TMEM91: variants seen among roughly 807,000 people sequenced by gnomAD.
The protein encoded by TMEM91 is transmembrane protein 91, also known as dispanin subfamily C member 3.
Under a neutral mutation model 13.3 loss-of-function variants are expected in TMEM91, and 6 were observed. The observed-to-expected ratio is 0.45, with a 90% CI of 0.25 to 0.89. The LOEUF (loss-of-function observed/expected upper bound fraction) is 0.89. Ranked by LOEUF, TMEM91 falls within the 40% of genes least tolerant of loss-of-function variation. The probability of loss-of-function intolerance (pLI) is 0.19; values close to 1 mark genes in which losing one functional copy is unlikely to be tolerated. For synonymous variants in TMEM91, 87 were observed against 101.7 expected (o/e 0.86, Z 0.87); for missense variants, 193 against 228.7 (o/e 0.84, Z 1.01).
At chr19:41,370,258 G>A (rs1046886219) in intron 1 of TMEM91, among the ~76,000 whole-genome samples, 1 of 152,002 alleles carries the variant, frequency 6.6e-6, no homozygotes, top group Admixed American at 6.6e-5. Flanking sequence ...TGTATTTTTA[G>A]TAGAGACGGG....
intron 2 of TMEM91, among the ~76,000 whole-genome samples, chr19:41,378,823 TGAGAGAGA>T (rs1160229560): frequency 0.022 from 978 of 44,648 alleles, 7 homozygotes; most frequent in Non-Finnish European, 0.049. Context: ...TGTGTGTGTG[TGAGAGAGA>T]GAGAGAGAGA....
chr19:41,364,206 G>C (rs2038472214), intron 1 of TMEM91: 1 of 154,626 alleles, frequency 6.5e-6, no homozygotes. Flanking sequence ...CTACTAATTG[G>C]TGCTAGCCGT....
intron 2 of TMEM91, among the ~76,000 whole-genome samples, chr19:41,381,629 G>C (rs935205040): frequency 2.0e-5 from 3 of 152,072 alleles, no homozygotes; most frequent in Non-Finnish European, 4.4e-5. Context: ...CTCCCAAAGT[G>C]CTGGGCTTAC....
chr19:41,367,437 C>T (rs1433507460), intron 1 of TMEM91, among the ~76,000 whole-genome samples: 1 of 152,120 alleles, frequency 6.6e-6, no homozygotes, highest in Non-Finnish European at 1.5e-5. Flanking sequence ...TCAAGACCAG[C>T]CTGGCCAACA....
rs754355620 is a variant in TMEM91 at position 41,378,517 on chromosome 19, G to C, written c.208G>C (p.Glu70Gln). Residue 70 changes from glutamate (E) to glutamine (Q), a missense_variant and splice_region_variant, in exon 2 of 4, where the codon GAG (glutamate) becomes CAG (glutamine). Glu to Gln is a conservative substitution (Grantham distance 29). Coordinates refer to ENST00000392002, the MANE Select transcript of TMEM91 (RefSeq NM_001098821.2). ...GGGGGAACCAAGGCCCCCTGATGTT[G>C]AGGTAGGAAACAGCAGGCCTTAGTG... Reference protein sequence around the residue: ...GLGEPRPPDVEDMSSSDSDSD... With the variant: ...GLGEPRPPDVQDMSSSDSDSD... 4.3e-5 allele frequency: 70 copies of C among 1,613,938 alleles called. No individual in the cohort carries two copies. Among genetic ancestry groups the C allele is most frequent in the Non-Finnish European group, 5.6e-5 (66 of 1,179,970 alleles).
At chr19:41,377,925 A>G (rs1180567272) in intron 1 of TMEM91, among the ~76,000 whole-genome samples, 1 of 151,388 alleles carries the variant, frequency 6.6e-6, no homozygotes, top group Non-Finnish European at 1.5e-5. Context: ...GCTGAGGCAG[A>G]ATGGTTTGAA....
chr19:41,364,617 C>T (rs1005507677), intron 1 of TMEM91, among the ~76,000 whole-genome samples: 3 of 151,950 alleles, frequency 2.0e-5, no homozygotes, highest in Admixed American at 6.6e-5. Context: ...TTTTAGAGTT[C>T]CCCTAGGTTT....
At chr19:41,382,737 T>C (rs1320764306) in intron 2 of TMEM91, 35 bp from the exon 3 acceptor site, 31 of 1,600,936 alleles carry the variant, frequency 1.9e-5, no homozygotes, top group Non-Finnish European at 2.6e-5. Flanking sequence ...GAAAGGTGGA[T>C]GGAGATGCCC....
chr19:41,377,204 C>A, intron 1 of TMEM91: 1 of 147,300 alleles, frequency 6.8e-6, no homozygotes, highest in Middle Eastern at 4.2e-3. Context: ...GGCAGGCATG[C>A]CAGAGGTCAT....
At chr19:41,381,358 ATTTT>A (rs34434786) in intron 2 of TMEM91, among the ~76,000 whole-genome samples, 4 of 112,838 alleles carry the variant, frequency 3.5e-5, no homozygotes, top group African/African-American at 3.4e-5. Context: ...TGCCTAGCTA[ATTTT>A]TTTTTTTTTT....
rs1485165389 is a variant in TMEM91, at chr19:41,383,515, A to AT, written c.361-198dup. The AT allele has an allele frequency of 1.0e-5, 15 of 1,451,530 alleles. No individual in the cohort carries two copies. The South Asian group carries it at 1.6e-4, about 15-fold the overall frequency. 89.9% of individuals were successfully genotyped at this position (1,451,530 alleles called of 1,614,324 possible). A position where few individuals can be genotyped will look rare whatever the true frequency, so the allele number is the denominator to read the frequency against. On this transcript the variant is annotated intron_variant, in intron 3 of 3. Transcript: ENST00000392002. ...TTTTATTTATTTTTTAAAATTTATTATTATTATTATTTTTTACCATTTTAA... is the reference window on the plus strand; with the variant it reads ...TTTTATTTATTTTTTAAAATTTATTATTTATTATTATTTTTTACCATTTTAA...
chr19:41,379,888 CTTTTTTTTTTTT>C (rs59525203), intron 2 of TMEM91, among the ~76,000 whole-genome samples: 1 of 75,136 alleles, frequency 1.3e-5, no homozygotes, highest in Admixed American at 1.5e-4. Context: ...TTAGGGCTTC[CTTTTTTTTTTTT>C]TTTTTTTTTT....
chr19:41,367,036 G>A (rs2038538717), intron 1 of TMEM91, among the ~76,000 whole-genome samples: 1 of 152,090 alleles, frequency 6.6e-6, no homozygotes, highest in Non-Finnish European at 1.5e-5. Context: ...AGCTATTTGG[G>A]AAGCTGAGGC....
At chr19:41,383,633 G>A (rs756259847) in intron 3 of TMEM91, 82 bp from the exon 4 acceptor site, 1 of 1,613,862 alleles carries the variant, frequency 6.2e-7, no homozygotes, top group East Asian at 2.2e-5. Context: ...GAATGAATGG[G>A]TATGTTGGGT....
intron 1 of TMEM91, among the ~76,000 whole-genome samples, chr19:41,365,639 A>G (rs920958805): frequency 6.6e-6 from 1 of 150,392 alleles, no homozygotes; most frequent in Non-Finnish European, 1.5e-5. Flanking sequence ...TCCTGACCTC[A>G]GGTGGTCCAC....
chr19:41,365,529 C>G (rs1319935180), intron 1 of TMEM91, among the ~76,000 whole-genome samples: 1 of 149,836 alleles, frequency 6.7e-6, no homozygotes, highest in African/African-American at 2.5e-5. Context: ...CTCAGCCTCC[C>G]GAGTAGCTGG....
Position 41,378,339 on chromosome 19 carries a change from A to C in TMEM91, c.30A>C (p.Gln10His), listed in dbSNP as rs80302685. 6.2e-7 allele frequency: 1 copy of C among 1,614,114 alleles called. No individual in the cohort carries two copies. ...ACAGCCCTAGTCTTCGTGAGCTTCA[A>C]CAGCCTCTGCTGGAGGGCACAGAAT... MDSPSLREL[Q>H]QPLLEGTECE... Residue 10 changes from glutamine (Q) to histidine (H), a missense_variant, in exon 2 of 4, where the codon CAA (glutamine) becomes CAC (histidine). Physicochemically the swap from Gln to His is conservative, Grantham distance 24. Coordinates refer to ENST00000392002, the MANE Select transcript of TMEM91 (RefSeq NM_001098821.2).
At chr19:41,364,186 G>C (rs936252905) in intron 1 of TMEM91, 3 of 157,560 alleles carry the variant, frequency 1.9e-5, no homozygotes, top group African/African-American at 7.2e-5. Context: ...CTTTGTACTC[G>C]CTCTGCGCGC....
In TMEM91 at chr19:41,383,718, A is replaced by C; in HGVS notation, c.364A>C (p.Asn122His). 1.9e-6 allele frequency: 3 copies of C among 1,611,782 alleles called. No individual in the cohort carries two copies. Among genetic ancestry groups the C allele is most frequent in the Non-Finnish European group, 2.5e-6 (3 of 1,178,596 alleles). The change falls in exon 4 of 4, where the codon AAC becomes CAC. Residue 122 changes from asparagine to histidine, a missense_variant. Coordinates refer to ENST00000392002, the MANE Select transcript of TMEM91 (RefSeq NM_001098821.2). ...CTGCTGCCCACTGCCTCTACAGACC[A>C]ACAAGGCTTGGGCCAAGGGGGACAT... ...IAAFCLAQKTNKAWAKGDIQG... is the reference protein window; with the variant it reads ...IAAFCLAQKTHKAWAKGDIQG...
Sources: gnomAD v4.1 joint callset for allele counts (sites outside exome capture counted in the v4.1 genomes callset) on GRCh38, gnomAD v4.1.1 for gene constraint, MANE v1.5 for transcripts, NCBI Gene and HGNC (gene_info 2026-07-23, HGNC 2026-07-21) for gene names.